NSFL1C: variants seen among roughly 807,000 people sequenced by gnomAD.
The protein encoded by NSFL1C is NSFL1 cofactor.
Under a neutral mutation model 43.1 loss-of-function variants are expected in NSFL1C, and 14 were observed. That is an observed-to-expected ratio of 0.32 (90% CI 0.21 to 0.51). The LOEUF is 0.51. Ranked by LOEUF, NSFL1C falls within the 20% of genes least tolerant of loss-of-function variation. The pLI, the probability that NSFL1C is intolerant of heterozygous loss-of-function variation, is 0.98. For synonymous variants in NSFL1C, 171 were observed against 183.5 expected (o/e 0.93, Z 0.55); for missense variants, 406 against 472.5 (o/e 0.86, Z 1.30).
intron 5 of NSFL1C, among the ~76,000 whole-genome samples, chr20:1,453,688 T>C (rs1244025542): frequency 6.6e-6 from 1 of 152,168 alleles, no homozygotes; most frequent in Non-Finnish European, 1.5e-5. Context: ...ATTTAAAACA[T>C]ATTATAGAAA....
At chr20:1,450,671 C>T (rs779916386) in intron 7 of NSFL1C, among the ~76,000 whole-genome samples, 1 of 152,126 alleles carries the variant, frequency 6.6e-6, no homozygotes, top group Non-Finnish European at 1.5e-5. Flanking sequence ...AAAAATATAG[C>T]CTTTTTGAAG....
At chr20:1,445,873 C>A (rs1017879772) in intron 7 of NSFL1C, 43 bp from the exon 8 acceptor site, 1 of 1,599,256 alleles carries the variant, frequency 6.3e-7, no homozygotes, top group African/African-American at 1.3e-5. Flanking sequence ...AGAAACAAGG[C>A]CCCTAGCAAG....
intron 5 of NSFL1C, among the ~76,000 whole-genome samples, 187 bp downstream of exon 5, chr20:1,454,026 C>T (rs1435799676): frequency 6.6e-6 from 1 of 152,184 alleles, no homozygotes; most frequent in Admixed American, 6.5e-5. Context: ...GCTCTCTCAC[C>T]CAGCACCCAG....
rs1427924020 is a variant in NSFL1C, at chr20:1,443,887, G to A, written c.975C>T (p.Ile325=). ...SHRISDIRLF[I]VDARPAMAAT... ...CAGCCATGGCTGGCCGGGCATCCAC[G>A]ATGAAGAGTCGGATGTCGCTGATCC... Residue 325 remains isoleucine, a synonymous_variant, in exon 9 of 9, where the codon ATC becomes ATT. Coordinates refer to ENST00000216879, the MANE Select transcript of NSFL1C (RefSeq NM_016143.5). The A allele has an allele frequency of 1.4e-5, 22 of 1,612,662 alleles. 1 individual carries two copies. Among genetic ancestry groups the A allele is most frequent in the Middle Eastern group, 1.7e-4 (1 of 6,036 alleles).
intron 5 of NSFL1C, among the ~76,000 whole-genome samples, 153 bp from the exon 6 acceptor site, chr20:1,453,293 C>T (rs1199531991): frequency 1.3e-5 from 2 of 152,180 alleles, no homozygotes; most frequent in Admixed American, 6.5e-5. Flanking sequence ...AGCAACTCAA[C>T]AAGCAAACTA....
chr20:1,454,635 T>G (rs2090257365), intron 4 of NSFL1C, among the ~76,000 whole-genome samples: 1 of 152,242 alleles, frequency 6.6e-6, no homozygotes, highest in African/African-American at 2.4e-5. Flanking sequence ...TTTGATTTTC[T>G]CAAAGGAGAC....
intron 7 of NSFL1C, chr20:1,446,097 C>T (rs1157189486): frequency 2.3e-5 from 12 of 532,968 alleles, no homozygotes; most frequent in Admixed American, 1.2e-4. Context: ...GGCCTTTTTC[C>T]TCCTTGGTGT....
At chr20:1,445,965 C>G (rs530393213) in intron 7 of NSFL1C, 135 bp from the exon 8 acceptor site, 3 of 968,110 alleles carry the variant, frequency 3.1e-6, no homozygotes, top group African/African-American at 1.6e-5. Context: ...TTGACCCAGA[C>G]AGGGAAAATC....
chr20:1,444,014 C>G, intron 8 of NSFL1C, 103 bp from the exon 9 acceptor site: 21 of 1,280,708 alleles, frequency 1.6e-5, no homozygotes, highest in Non-Finnish European at 2.1e-5. Context: ...CTGACTTTCT[C>G]CACAGAACAG....
Position 1,466,739 on chromosome 20 carries a change from G to A in NSFL1C, c.86C>T (p.Ser29Leu). The change falls in exon 1 of 9, where the codon TCG (serine) becomes TTG (leucine). Residue 29 changes from serine to leucine, a missense_variant. Physicochemically the swap from Ser to Leu is moderately radical, Grantham distance 145. This residue lies in a region of NSFL1C where 203 missense variants were observed against 216.3 expected (regional missense o/e 0.94). Transcript: ENST00000216879. ...CGCTACCTGCAAGTCCCAGCCGGCC[G>A]ACTCGAGAAAGAAGCGGGCCCGGTC... ...EEDRARFFLE[S>L]AGWDLQIALA... 1 of 1,560,416 alleles carries A rather than the reference G, an allele frequency of 6.4e-7. No individual in the cohort carries two copies. Among genetic ancestry groups the A allele is most frequent in the Middle Eastern group, 1.7e-4 (1 of 5,984 alleles).
chr20:1,464,778 T>C (rs2090477158), intron 1 of NSFL1C, among the ~76,000 whole-genome samples: 2 of 152,336 alleles, frequency 1.3e-5, no homozygotes, highest in South Asian at 4.1e-4. Flanking sequence ...TGTTTAATCC[T>C]CAAGAACTCT....
chr20:1,466,133 T>C, intron 1 of NSFL1C, among the ~76,000 whole-genome samples: 1 of 152,352 alleles, frequency 6.6e-6, no homozygotes, highest in Middle Eastern at 3.4e-3. Flanking sequence ...TTAAGTCTTC[T>C]TAGCAAGTAT....
intron 7 of NSFL1C, among the ~76,000 whole-genome samples, chr20:1,449,035 G>A (rs926724398): frequency 6.6e-6 from 1 of 152,284 alleles, no homozygotes; most frequent in East Asian, 1.9e-4. Flanking sequence ...TGTCTATGTG[G>A]CTATGCAAGA....
At chr20:1,453,649 G>A (rs983691281) in intron 5 of NSFL1C, among the ~76,000 whole-genome samples, 11 of 152,064 alleles carry the variant, frequency 7.2e-5, no homozygotes, top group African/African-American at 2.7e-4. Flanking sequence ...CTTCTTGCTT[G>A]ACTTTATTTT....
chr20:1,446,673 C>T (rs770961294), intron 7 of NSFL1C, among the ~76,000 whole-genome samples: 1 of 152,182 alleles, frequency 6.6e-6, no homozygotes, highest in Non-Finnish European at 1.5e-5. Flanking sequence ...CTGACAAACA[C>T]AAAATGCACA....
rs1233338392 is a variant in NSFL1C, at chr20:1,466,789, G to A, written c.36C>T (p.Phe12=). The change falls in exon 1 of 9, where the codon TTC becomes TTT. Residue 12 remains phenylalanine, a synonymous_variant. Coordinates refer to ENST00000216879, the MANE Select transcript of NSFL1C (RefSeq NM_016143.5). ...AAERQEALRE[F]VAVTGAEEDR... ...CCTCCTCGGCGCCCGTCACCGCCACGAACTCCCTCAGCGCCTCCTGTCGCT... is the reference window on the plus strand; with the variant it reads ...CCTCCTCGGCGCCCGTCACCGCCACAAACTCCCTCAGCGCCTCCTGTCGCT... 2.6e-6 allele frequency: 4 copies of A among 1,562,126 alleles called. No homozygotes were observed. Among genetic ancestry groups the A allele is most frequent in the Middle Eastern group, 1.7e-4 (1 of 5,996 alleles).
intron 7 of NSFL1C, 145 bp from the exon 8 acceptor site, chr20:1,445,975 C>T (rs369319076): frequency 4.6e-6 from 4 of 873,580 alleles, no homozygotes; most frequent in Admixed American, 2.6e-5. Flanking sequence ...CAGGGAAAAT[C>T]GTGCCCTTAT....
At chr20:1,466,621 G>T in intron 1 of NSFL1C, 99 bp downstream of exon 1, 1 of 1,159,908 alleles carries the variant, frequency 8.6e-7, no homozygotes, top group Non-Finnish European at 1.2e-6. Context: ...CGGTAGAGCG[G>T]GGATGACTGT....
At position 1,443,774 on chromosome 20, in the gene NSFL1C, G is replaced by A. The variant is rs3210928; in HGVS notation, c.1088C>T (p.Ala363Val). Residue 363 changes from alanine (A) to valine (V), a missense_variant, in exon 9 of 9, where the codon GCT becomes GTT. Physicochemically the swap from Ala to Val is moderately conservative, Grantham distance 64. This residue lies in a region of NSFL1C where 196 missense variants were observed against 228.0 expected (regional missense o/e 0.86). Transcript: ENST00000216879. ...TTATGTTAACCGCTGCACGATGACA[G>A]CATTGAGCAGGTTGGCTTCCTTCAG... ...QTLKEANLLNAVIVQRLT is the reference protein window; with the variant it reads ...QTLKEANLLNVVIVQRLT The A allele has an allele frequency of 3.1e-6, 5 of 1,614,204 alleles. No homozygotes were observed. The highest frequency in any genetic ancestry group is 4.2e-6 in the Non-Finnish European group (5 of 1,180,036).
Sources: gnomAD v4.1 joint callset for allele counts (sites outside exome capture counted in the v4.1 genomes callset) on GRCh38, gnomAD v4.1.1 for gene constraint, gnomAD v4.1.1 regional missense constraint, MANE v1.5 for transcripts, NCBI Gene and HGNC (gene_info 2026-07-23, HGNC 2026-07-21) for gene names.